LGI1: variants seen among roughly 807,000 people sequenced by gnomAD.
The protein encoded by LGI1 is leucine-rich glioma-inactivated protein 1.
A neutral mutation model predicts 57.7 loss-of-function variants in LGI1; 11 were observed. The ratio of observed to expected loss-of-function variants is 0.19; its 90% confidence interval spans 0.12 to 0.32. The LOEUF is 0.32. Ranked by LOEUF, LGI1 falls within the 10% of genes least tolerant of loss-of-function variation. The probability of loss-of-function intolerance (pLI) is 1.00; values close to 1 mark genes in which losing one functional copy is unlikely to be tolerated. For synonymous variants in LGI1, 222 were observed against 241.9 expected, an observed-to-expected ratio of 0.92 and a Z score of 0.76; for missense variants, 422 against 661.9, an observed-to-expected ratio of 0.64 and a Z score of 3.98.
rs550058043 is a variant in LGI1 at position 93,758,654 on chromosome 10, A to G, written c.216-106A>G. 5 of 809,466 alleles carry G rather than the reference A, an allele frequency of 6.2e-6. No homozygotes were observed. The highest frequency in any genetic ancestry group is 5.1e-5 in the African/African-American group (3 of 59,132). The allele number at this position is 809,466 out of a possible 1,614,324, so 50.1% of individuals were successfully genotyped here. A position where few individuals can be genotyped will look rare whatever the true frequency, so the allele number is the denominator to read the frequency against. ...TCGTACTTCATAAAATAGTGTCAAA[A>G]TAGTCACTGTTATGCTAAACCGGAT... On this transcript the variant is annotated intron_variant, in intron 1 of 7. Coordinates refer to ENST00000371418, the MANE Select transcript of LGI1 (RefSeq NM_005097.4). The surrounding 1 kb of genome is among the most constrained non-coding windows in gnomAD (Gnocchi z 4.7).
chr10:93,768,104 C>A (rs1251252304), intron 2 of LGI1: 1 of 152,102 alleles, frequency 6.6e-6, no homozygotes, highest in Non-Finnish European at 1.5e-5. Context: ...CTTCTTTAAC[C>A]CACTTTTCCT....
chr10:93,787,285 CA>C (rs1272787480), intron 4 of LGI1, among the ~76,000 whole-genome samples: 3 of 152,118 alleles, frequency 2.0e-5, no homozygotes, highest in Non-Finnish European at 4.4e-5. Flanking sequence ...ATCCACCCAC[CA>C]TTTCTCCCTC....
chr10:93,772,757 A>G (rs1564843127), intron 2 of LGI1: 2 of 152,160 alleles, frequency 1.3e-5, no homozygotes, highest in Non-Finnish European at 2.9e-5. Context: ...ATGAGCATAT[A>G]TTATTTATAA....
intron 2 of LGI1, among the ~76,000 whole-genome samples, chr10:93,772,484 C>T (rs1195807711): frequency 6.6e-6 from 1 of 151,938 alleles, no homozygotes; most frequent in Non-Finnish European, 1.5e-5. Flanking sequence ...AAAGTTACAT[C>T]ATGATATATC....
At chr10:93,763,020 C>T (rs72810624) in intron 2 of LGI1, 43,559 of 152,226 alleles carry the variant, frequency 0.29, 6,585 homozygotes, top group South Asian at 0.41. Context: ...CTCTTCACCA[C>T]AGCACCACTG....
At chr10:93,773,811 A>C (rs1176968728) in intron 2 of LGI1, among the ~76,000 whole-genome samples, 2 of 152,170 alleles carry the variant, frequency 1.3e-5, no homozygotes, top group African/African-American at 4.8e-5. Flanking sequence ...GCTTCCCTAA[A>C]AAAAGAGGAG....
intron 4 of LGI1, chr10:93,789,366 G>A (rs527400438): frequency 2.0e-5 from 3 of 152,704 alleles, no homozygotes; most frequent in African/African-American, 7.2e-5. Context: ...CTGTGGGTTG[G>A]AGGTTTGGTT....
At chr10:93,796,603 T>A (rs780275618) in intron 7 of LGI1, among the ~76,000 whole-genome samples, 5 of 152,212 alleles carry the variant, frequency 3.3e-5, no homozygotes, top group Non-Finnish European at 7.3e-5. Context: ...TAATAGATGC[T>A]CAGTAAACAG....
chr10:93,784,130 A>T (rs1286757775), intron 4 of LGI1, among the ~76,000 whole-genome samples: 2 of 152,224 alleles, frequency 1.3e-5, no homozygotes, highest in African/African-American at 4.8e-5. Context: ...TCATTGCAGA[A>T]TTATCCTAGA....
intron 4 of LGI1, among the ~76,000 whole-genome samples, chr10:93,785,079 G>T (rs746061590): frequency 6.6e-6 from 1 of 151,952 alleles, no homozygotes; most frequent in Admixed American, 6.6e-5. Flanking sequence ...ATATATATGT[G>T]CATATGTAGT....
At chr10:93,783,883 A>G (rs1436000161) in intron 4 of LGI1, among the ~76,000 whole-genome samples, 1 of 152,086 alleles carries the variant, frequency 6.6e-6, no homozygotes, top group Admixed American at 6.6e-5. Flanking sequence ...ATGGTGGCGT[A>G]TGCCCGTAAT....
intron 4 of LGI1, among the ~76,000 whole-genome samples, chr10:93,782,424 G>T (rs1373672254): frequency 6.6e-6 from 1 of 152,228 alleles, no homozygotes; most frequent in Non-Finnish European, 1.5e-5. Context: ...GTTAATAAAT[G>T]CAAAGTGCTT....
At chr10:93,778,345 TCACACACACACACACA>T (rs60017902) in intron 4 of LGI1, among the ~76,000 whole-genome samples, 5,650 of 148,728 alleles carry the variant, frequency 0.038, 168 homozygotes, top group African/African-American at 0.08. Context: ...ACAAACACAT[TCACACACACACACACA>T]CACACACACA....
rs375208615 is a variant in LGI1, at chr10:93,758,725, T to C, written c.216-35T>C. The C allele has an allele frequency of 4.7e-4, 680 of 1,449,780 alleles. 2 individuals are homozygous for C. The highest frequency in any genetic ancestry group is 1.4e-4 in the Non-Finnish European group (147 of 1,033,212). The allele number at this position is 1,449,780 out of a possible 1,614,324, so 89.8% of individuals were successfully genotyped here. On this transcript the variant is annotated intron_variant, in intron 1 of 7. Transcript: ENST00000371418. The surrounding 1 kb of genome is among the most constrained non-coding windows in gnomAD (Gnocchi z 4.7). ...GTGTGTGTGTCTCTTTGTGTGTGTC[T>C]GTTTGTTTGTTTTCTCTTTTTTGTT...
At chr10:93,777,187 G>A (rs1047724288) in intron 2 of LGI1, 192 bp from the exon 3 acceptor site, 1 of 638,170 alleles carries the variant, frequency 1.6e-6, no homozygotes, top group Admixed American at 2.5e-5. Flanking sequence ...ACCCCTTGAT[G>A]AGCCTTTGAT....
At chr10:93,764,749 T>C (rs1480693440) in intron 2 of LGI1, 1 of 152,184 alleles carries the variant, frequency 6.6e-6, no homozygotes, top group African/African-American at 2.4e-5. Context: ...AAACAATGCA[T>C]GAAAAATGCT....
rs993421984 is a variant in LGI1 at position 93,797,563 on chromosome 10, G to T, written c.1434G>T (p.Val478=). ...IQRMPSRGSM[V]FQPLQINNYQ... ...GGATGCCATCGCGAGGATCCATGGT[G>T]TTCCAGCCTCTTCAAATAAATAATT... The change falls in exon 8 of 8, where the codon GTG becomes GTT. Residue 478 remains valine (V), a synonymous_variant. Coordinates refer to ENST00000371418, the MANE Select transcript of LGI1 (RefSeq NM_005097.4). The surrounding 1 kb of genome is among the most constrained non-coding windows in gnomAD (Gnocchi z 6.5). 3 of 1,614,096 alleles carry T rather than the reference G, an allele frequency of 1.9e-6. No homozygotes were observed. Among genetic ancestry groups the T allele is most frequent in the Non-Finnish European group, 2.5e-6 (3 of 1,179,962 alleles).
intron 4 of LGI1, among the ~76,000 whole-genome samples, chr10:93,780,698 C>A (rs184480418): frequency 1.3e-5 from 2 of 152,194 alleles, no homozygotes; most frequent in Non-Finnish European, 2.9e-5. Context: ...CAGCTCCCAC[C>A]GTCTTTGATG....
Position 93,797,972 on chromosome 10 carries a change from T to C in LGI1, c.*169T>C. 1 of 654,810 alleles carries C rather than the reference T, an allele frequency of 1.5e-6. No individual in the cohort carries two copies. The highest frequency in any genetic ancestry group is 1.7e-5 in the South Asian group (1 of 58,412). The allele number at this position is 654,810 out of a possible 1,614,324, so 40.6% of individuals were successfully genotyped here. On this transcript the variant is annotated 3_prime_UTR_variant, in exon 8 of 8. Transcript: ENST00000371418. The surrounding 1 kb of genome is among the most constrained non-coding windows in gnomAD (Gnocchi z 6.5). The stretch of plus-strand genomic sequence containing the variant: ...CTCCATCCTTAACTGTCCAGTCCAG[T>C]GATGTGGGAAGTTACCTTTTATAAG...
Sources: allele counts gnomAD v4.1 joint callset (sites outside exome capture counted in the v4.1 genomes callset), GRCh38; gene constraint gnomAD v4.1.1; non-coding constraint Gnocchi (gnomAD v3.1); transcripts MANE v1.5; gene names NCBI Gene and HGNC (gene_info 2026-07-23, HGNC 2026-07-21).